IQCJ: variants seen among roughly 807,000 people sequenced by gnomAD.
IQCJ encodes the protein IQ motif containing J.
Under a neutral mutation model 11.0 loss-of-function variants are expected in IQCJ, and 9 were observed. That is an observed-to-expected ratio of 0.82 (90% CI 0.49 to 1.43). The LOEUF is 1.43. IQCJ is among the 40% of genes most tolerant of loss of function. The pLI is 0.00. For missense variants in IQCJ, 146 were observed against 133.2 expected, an observed-to-expected ratio of 1.10 and a Z score of -0.47; for synonymous variants, 55 against 51.3, an observed-to-expected ratio of 1.07 and a Z score of -0.31.
intron 1 of IQCJ, among the ~76,000 whole-genome samples, chr3:159,083,559 T>C (rs186766996): frequency 1.3e-4 from 20 of 152,268 alleles, no homozygotes; most frequent in African/African-American, 4.6e-4. Flanking sequence ...GGCAATTTCT[T>C]ACAGAACTAA....
intron 1 of IQCJ, among the ~76,000 whole-genome samples, chr3:159,073,460 T>G (rs908519990): frequency 6.6e-6 from 1 of 152,132 alleles, no homozygotes; most frequent in African/African-American, 2.4e-5. Flanking sequence ...ATTCAAGTGC[T>G]GAGTGGGCAC....
intron 1 of IQCJ, among the ~76,000 whole-genome samples, chr3:159,183,740 A>C (rs1439097145): frequency 2.6e-5 from 4 of 152,208 alleles, no homozygotes; most frequent in African/African-American, 9.6e-5. Flanking sequence ...CATAAAAGGC[A>C]GTGTGGAGGA....
At chr3:159,105,312 A>G (rs1352482014) in intron 1 of IQCJ, among the ~76,000 whole-genome samples, 5 of 152,222 alleles carry the variant, frequency 3.3e-5, no homozygotes, top group Non-Finnish European at 7.3e-5. Context: ...TGAATTTGTT[A>G]CAATTACCAC....
intron 1 of IQCJ, among the ~76,000 whole-genome samples, chr3:159,218,448 G>C (rs962351896): frequency 6.6e-6 from 1 of 152,010 alleles, no homozygotes; most frequent in Admixed American, 6.6e-5. Context: ...TGACATGTTT[G>C]GGATGGGTCT....
intron 1 of IQCJ, among the ~76,000 whole-genome samples, chr3:159,211,012 A>G (rs1724924308): frequency 6.6e-6 from 1 of 152,200 alleles, no homozygotes; most frequent in Non-Finnish European, 1.5e-5. Context: ...AATTTCAAGG[A>G]GTACTATTTG....
intron 1 of IQCJ, among the ~76,000 whole-genome samples, chr3:159,238,110 G>A (rs1180974161): frequency 6.6e-6 from 1 of 152,166 alleles, no homozygotes; most frequent in African/African-American, 2.4e-5. Context: ...TCTTGGAGGG[G>A]TGAGAAAATG....
chr3:159,117,013 A>G (rs945303937), intron 1 of IQCJ, among the ~76,000 whole-genome samples: 7 of 152,152 alleles, frequency 4.6e-5, no homozygotes, highest in Non-Finnish European at 8.8e-5. Context: ...TTTAGTTAAC[A>G]TTAAGGAATT....
chr3:159,189,637 C>T (rs982418252), intron 1 of IQCJ, among the ~76,000 whole-genome samples: 3 of 152,178 alleles, frequency 2.0e-5, no homozygotes, highest in African/African-American at 7.2e-5. Context: ...TCCCACCCAC[C>T]ACAGCATCTT....
chr3:159,131,452 T>A (rs1428032923), intron 1 of IQCJ, among the ~76,000 whole-genome samples: 2 of 152,120 alleles, frequency 1.3e-5, no homozygotes, highest in Non-Finnish European at 2.9e-5. Flanking sequence ...AATCAGAAAG[T>A]TATGGGAAAG....
intron 1 of IQCJ, among the ~76,000 whole-genome samples, chr3:159,087,899 T>G (rs1435981896): frequency 8.1e-5 from 12 of 149,010 alleles, no homozygotes; most frequent in Non-Finnish European, 1.8e-4. Flanking sequence ...TTTGAAGGGT[T>G]TTTTGTGTCT....
At chr3:159,256,654 AT>A (rs2108224891) in intron 3 of IQCJ, among the ~76,000 whole-genome samples, 1 of 152,316 alleles carries the variant, frequency 6.6e-6, no homozygotes, top group African/African-American at 2.4e-5. Context: ...GTCTTATTAA[AT>A]TGTAGTCAGC....
At chr3:159,155,064 A>G (rs907794793) in intron 1 of IQCJ, among the ~76,000 whole-genome samples, 1 of 152,160 alleles carries the variant, frequency 6.6e-6, no homozygotes, top group Non-Finnish European at 1.5e-5. Context: ...TGAAGCAGAA[A>G]TTGCCTACAC....
intron 1 of IQCJ, among the ~76,000 whole-genome samples, chr3:159,186,604 C>A (rs1218809225): frequency 1.3e-5 from 2 of 152,208 alleles, no homozygotes; most frequent in Non-Finnish European, 2.9e-5. Flanking sequence ...AGGAGACAGC[C>A]ATTACTTTTG....
At position 159,202,792 on chromosome 3, in the gene IQCJ, C is replaced by T. The variant is rs978040464; in HGVS notation, c.10-43051C>T. Among the ~76,000 whole-genome samples, 58 of 152,124 alleles carry T rather than the reference C, an allele frequency of 3.8e-4. 1 individual carries two copies. The highest frequency in any genetic ancestry group is 4.1e-4 in the African/African-American group (17 of 41,424). On this transcript the variant is annotated intron_variant, in intron 1 of 3. Transcript: ENST00000397832. ...AGCTGGGACTATAGGAGTGAGCCACCGTGCCCAACTTAAGCCAAGCAAATT... is the reference window on the plus strand; with the variant it reads ...AGCTGGGACTATAGGAGTGAGCCACTGTGCCCAACTTAAGCCAAGCAAATT...
chr3:159,205,352 TGTTA>T (rs2108077029), intron 1 of IQCJ, among the ~76,000 whole-genome samples: 1 of 152,336 alleles, frequency 6.6e-6, no homozygotes, highest in African/African-American at 2.4e-5. Context: ...AGTCAGGACA[TGTTA>T]GTTTCCCAGC....
At chr3:159,069,952 A>G in intron 1 of IQCJ, 1 of 258,198 alleles carries the variant, frequency 3.9e-6, no homozygotes, top group South Asian at 4.1e-5. Flanking sequence ...TTGCTGCTGC[A>G]CGAGAATTTC....
intron 1 of IQCJ, among the ~76,000 whole-genome samples, chr3:159,134,801 A>T (rs1003774451): frequency 6.6e-6 from 1 of 152,192 alleles, no homozygotes; most frequent in African/African-American, 2.4e-5. Context: ...AACTGCTCTT[A>T]TATAGAAATA....
At chr3:159,189,755 C>G (rs1256956438) in intron 1 of IQCJ, among the ~76,000 whole-genome samples, 1 of 152,154 alleles carries the variant, frequency 6.6e-6, no homozygotes, top group Non-Finnish European at 1.5e-5. Context: ...TAGTCGTTCC[C>G]CTTCTGAAAA....
chr3:159,176,107 C>A, intron 1 of IQCJ, among the ~76,000 whole-genome samples: 1 of 152,016 alleles, frequency 6.6e-6, no homozygotes, highest in East Asian at 1.9e-4. Context: ...CTTTTCAAAT[C>A]TTTTGTCCAT....
Sources: gnomAD v4.1 joint callset for allele counts (sites outside exome capture counted in the v4.1 genomes callset) on GRCh38, gnomAD v4.1.1 for gene constraint, MANE v1.5 for transcripts, NCBI Gene and HGNC (gene_info 2026-07-23, HGNC 2026-07-21) for gene names.